Variants in CLSTN2 observed in about 807,000 individuals in gnomAD.
CLSTN2 encodes calsyntenin 2, also known as calsyntenin-2.
A neutral mutation model predicts 101.2 loss-of-function variants in CLSTN2; 48 were observed. The observed-to-expected ratio is 0.47, with a 90% CI of 0.38 to 0.60. The LOEUF is 0.60. Among genes scored for constraint, CLSTN2 ranks in the 20% least tolerant of loss-of-function variants. The pLI is 0.00. For missense variants in CLSTN2, 1,160 were observed against 1,238.2 expected, an observed-to-expected ratio of 0.94 and a Z score of 0.95; for synonymous variants, 481 against 463.6, an observed-to-expected ratio of 1.04 and a Z score of -0.48.
At chr3:140,549,330 A>G (rs932596035) in intron 10 of CLSTN2, among the ~76,000 whole-genome samples, 2 of 151,286 alleles carry the variant, frequency 1.3e-5, no homozygotes, top group Non-Finnish European at 2.9e-5. Context: ...TGAAAAGAGG[A>G]GGTGCTAAAA....
chr3:140,526,197 G>C (rs558315254), intron 8 of CLSTN2, among the ~76,000 whole-genome samples: 2 of 151,936 alleles, frequency 1.3e-5, no homozygotes, highest in Non-Finnish European at 1.5e-5. Flanking sequence ...CTGCCAAAAG[G>C]CTCCTGAAAC....
chr3:140,065,366 TACTC>T (rs1288361026), intron 1 of CLSTN2, among the ~76,000 whole-genome samples: 2 of 152,340 alleles, frequency 1.3e-5, no homozygotes, highest in Non-Finnish European at 2.9e-5. Context: ...CCTTACCACT[TACTC>T]ACCACTGAGT....
At chr3:140,458,739 C>T (rs1444844064) in intron 6 of CLSTN2, among the ~76,000 whole-genome samples, 1 of 152,198 alleles carries the variant, frequency 6.6e-6, no homozygotes, top group Non-Finnish European at 1.5e-5. Flanking sequence ...ACTGAGTGAA[C>T]CTTCGCCATG....
At chr3:140,549,345 T>G (rs1413103703) in intron 10 of CLSTN2, among the ~76,000 whole-genome samples, 1 of 151,320 alleles carries the variant, frequency 6.6e-6, no homozygotes, top group Non-Finnish European at 1.5e-5. Context: ...CTAAAATAAG[T>G]GGCACAAAAA....
At chr3:140,196,217 T>C (rs987864782) in intron 2 of CLSTN2, among the ~76,000 whole-genome samples, 3 of 152,226 alleles carry the variant, frequency 2.0e-5, no homozygotes, top group African/African-American at 7.2e-5. Context: ...TTTGAAGGCA[T>C]CCTTGTCCTG....
At chr3:140,066,199 GCATGTCT>G (rs1429551071) in intron 1 of CLSTN2, among the ~76,000 whole-genome samples, 2 of 152,158 alleles carry the variant, frequency 1.3e-5, no homozygotes, top group African/African-American at 4.8e-5. Flanking sequence ...AATATTTTGT[GCATGTCT>G]CATTCTGTGC....
At chr3:139,955,078 A>G (rs1935365290) in intron 1 of CLSTN2, among the ~76,000 whole-genome samples, 1 of 146,384 alleles carries the variant, frequency 6.8e-6, no homozygotes. Context: ...ATATACACAC[A>G]TATATACACA....
intron 1 of CLSTN2, among the ~76,000 whole-genome samples, chr3:140,085,865 C>T (rs182306395): frequency 1.7e-4 from 26 of 152,218 alleles, no homozygotes; most frequent in East Asian, 9.7e-4. Flanking sequence ...GTGTATTCAC[C>T]GGATCCTATG....
intron 2 of CLSTN2, among the ~76,000 whole-genome samples, chr3:140,346,802 T>C (rs2087550993): frequency 6.6e-6 from 1 of 152,084 alleles, no homozygotes; most frequent in Non-Finnish European, 1.5e-5. Flanking sequence ...AGTGTGGGAA[T>C]GGATAAAGAG....
chr3:140,452,009 C>T (rs1933263806), intron 6 of CLSTN2, among the ~76,000 whole-genome samples: 1 of 152,138 alleles, frequency 6.6e-6, no homozygotes, highest in Admixed American at 6.6e-5. Context: ...AGACAGAAAT[C>T]AGCAAGACTC....
intron 8 of CLSTN2, among the ~76,000 whole-genome samples, chr3:140,529,422 G>A (rs1935210852): frequency 6.6e-6 from 1 of 152,224 alleles, no homozygotes; most frequent in South Asian, 2.1e-4. Context: ...GGATACACCA[G>A]TGATTCATGA....
chr3:140,165,047 T>G (rs2010113423), intron 1 of CLSTN2, among the ~76,000 whole-genome samples: 1 of 152,204 alleles, frequency 6.6e-6, no homozygotes, highest in Admixed American at 6.5e-5. Flanking sequence ...TAAGGATTAA[T>G]GACTCAGCCA....
chr3:140,285,327 A>G (rs147587319), intron 2 of CLSTN2, among the ~76,000 whole-genome samples: 2,170 of 152,140 alleles, frequency 0.014, 61 homozygotes, highest in African/African-American at 0.049. Flanking sequence ...CAAGTTGTCT[A>G]TTGGGGAGTT....
intron 1 of CLSTN2, among the ~76,000 whole-genome samples, chr3:140,120,067 G>A (rs1053017864): frequency 1.3e-5 from 2 of 152,174 alleles, no homozygotes; most frequent in Non-Finnish European, 2.9e-5. Context: ...CTAAGCAGTG[G>A]ATGCCAGCTA....
chr3:140,516,040 G>T (rs1934910723), intron 8 of CLSTN2, among the ~76,000 whole-genome samples: 1 of 152,116 alleles, frequency 6.6e-6, no homozygotes, highest in African/African-American at 2.4e-5. Flanking sequence ...ATATATTTAT[G>T]ATAGTGATAT....
At chr3:140,383,352 A>C (rs138412581) in intron 2 of CLSTN2, among the ~76,000 whole-genome samples, 19 of 152,242 alleles carry the variant, frequency 1.2e-4, no homozygotes, top group African/African-American at 4.6e-4. Flanking sequence ...ATTATTTCTA[A>C]TATTCTGTGC....
chr3:140,490,292 C>T (rs894923838), intron 8 of CLSTN2, among the ~76,000 whole-genome samples: 2 of 150,544 alleles, frequency 1.3e-5, no homozygotes, highest in Non-Finnish European at 3.0e-5. Flanking sequence ...TTTAAATCTC[C>T]TTATGAAGGA....
intron 1 of CLSTN2, among the ~76,000 whole-genome samples, chr3:140,002,781 G>A (rs1001007776): frequency 3.9e-5 from 6 of 152,062 alleles, no homozygotes; most frequent in Admixed American, 2.6e-4. Context: ...TTCTGCATAT[G>A]GATATCCCGC....
chr3:140,299,299 T>C (rs1266477308), intron 2 of CLSTN2, among the ~76,000 whole-genome samples: 2 of 152,236 alleles, frequency 1.3e-5, no homozygotes, highest in African/African-American at 4.8e-5. Context: ...TTCCCAGCCG[T>C]TGTCCTTAAC....
Sources: gnomAD v4.1 joint callset for allele counts (sites outside exome capture counted in the v4.1 genomes callset) on GRCh38, gnomAD v4.1.1 for gene constraint, MANE v1.5 for transcripts, NCBI Gene and HGNC (gene_info 2026-07-23, HGNC 2026-07-21) for gene names.